The following NRXN1 variants were observed in gnomAD, a reference collection of about 807,000 sequenced individuals.
NRXN1 encodes the protein neurexin 1, also known as neurexin-1.
NRXN1 carries 39 observed loss-of-function variants against 150.9 expected under a neutral mutation model. The ratio of observed to expected loss-of-function variants is 0.26; its 90% confidence interval spans 0.20 to 0.34. The LOEUF is 0.34. Among genes scored for constraint, NRXN1 ranks in the 10% least tolerant of loss-of-function variants. The pLI, the probability that NRXN1 is intolerant of heterozygous loss-of-function variation, is 1.00. For missense variants in NRXN1, 1,815 were observed against 1,949.9 expected (o/e 0.93, Z 1.30); for synonymous variants, 924 against 757.0 (o/e 1.22, Z -3.62).
At chr2:50,378,690 T>C (rs1377599129) in intron 17 of NRXN1, among the ~76,000 whole-genome samples, 1 of 152,138 alleles carries the variant, frequency 6.6e-6, no homozygotes, top group African/African-American at 2.4e-5. Context: ...GGGAGAAATA[T>C]ACAGCAATAA....
At chr2:50,300,610 T>C (rs939427) in intron 17 of NRXN1, among the ~76,000 whole-genome samples, 87,436 of 151,726 alleles carry the variant, frequency 0.58, 25,407 homozygotes, top group African/African-American at 0.6. Context: ...CTCTGGCCAA[T>C]AGGATGTGAG....
chr2:50,137,872 T>C (rs1184617744), intron 18 of NRXN1, among the ~76,000 whole-genome samples: 1 of 152,220 alleles, frequency 6.6e-6, no homozygotes, highest in Non-Finnish European at 1.5e-5. Flanking sequence ...CAAACTATGG[T>C]TGTTTCAAGA....
intron 5 of NRXN1, chr2:50,919,081 A>C (rs147170047): frequency 6.6e-6 from 1 of 151,918 alleles, no homozygotes; most frequent in African/African-American, 2.4e-5. Flanking sequence ...TAAAAATAGG[A>C]GGCACTATGG....
chr2:50,530,694 A>G (rs2093076815), intron 11 of NRXN1, among the ~76,000 whole-genome samples: 1 of 152,204 alleles, frequency 6.6e-6, no homozygotes, highest in African/African-American at 2.4e-5. Flanking sequence ...GCTGTTTGAT[A>G]GCAAAATACC....
At chr2:50,665,282 C>T (rs1226859393) in intron 5 of NRXN1, among the ~76,000 whole-genome samples, 14 of 151,892 alleles carry the variant, frequency 9.2e-5, no homozygotes, top group Non-Finnish European at 1.5e-5. Context: ...CCTCTCATAC[C>T]TTAAAATACT....
At chr2:50,563,423 G>GT (rs1669405487) in intron 8 of NRXN1, among the ~76,000 whole-genome samples, 1 of 152,248 alleles carries the variant, frequency 6.6e-6, no homozygotes, top group South Asian at 2.1e-4. Context: ...GAATGTAGTT[G>GT]TAAGTGCGCT....
chr2:50,350,260 C>T (rs763471113), intron 17 of NRXN1, among the ~76,000 whole-genome samples: 3 of 152,134 alleles, frequency 2.0e-5, no homozygotes, highest in African/African-American at 4.8e-5. Context: ...CTAAAAGAAA[C>T]ATATCTAATA....
intron 21 of NRXN1, among the ~76,000 whole-genome samples, chr2:50,007,396 G>T (rs1349665832): frequency 6.6e-6 from 1 of 151,872 alleles, no homozygotes; most frequent in Non-Finnish European, 1.5e-5. Flanking sequence ...ACCACCCCTC[G>T]ACAGGCCCTG....
At chr2:50,992,360 A>G (rs997874152) in intron 2 of NRXN1, among the ~76,000 whole-genome samples, 14 of 151,974 alleles carry the variant, frequency 9.2e-5, no homozygotes, top group African/African-American at 3.4e-4. Flanking sequence ...AAAATATTTG[A>G]ATGTAAATAT....
At chr2:50,805,677 T>C (rs1667418608) in intron 5 of NRXN1, among the ~76,000 whole-genome samples, 1 of 152,156 alleles carries the variant, frequency 6.6e-6, no homozygotes, top group Non-Finnish European at 1.5e-5. Context: ...ATATTTTCCA[T>C]TGATTACCCA....
intron 2 of NRXN1, among the ~76,000 whole-genome samples, chr2:50,994,315 C>T (rs768809496): frequency 6.6e-6 from 1 of 151,946 alleles, no homozygotes; most frequent in Non-Finnish European, 1.5e-5. Context: ...TCCATTATAT[C>T]TCACCTTGCA....
intron 17 of NRXN1, among the ~76,000 whole-genome samples, chr2:50,340,713 T>TAA (rs1376355512): frequency 1.7e-4 from 26 of 151,608 alleles, no homozygotes; most frequent in African/African-American, 6.0e-4. Flanking sequence ...TAGTCCAATT[T>TAA]AAAAAAAAGA....
chr2:50,472,699 A>T (rs1046934208), intron 15 of NRXN1, among the ~76,000 whole-genome samples: 1 of 151,812 alleles, frequency 6.6e-6, no homozygotes, highest in African/African-American at 2.4e-5. Context: ...AAGTAATTCC[A>T]TATTATGTGG....
At chr2:50,516,635 C>T (rs1231504634) in intron 12 of NRXN1, among the ~76,000 whole-genome samples, 1 of 152,138 alleles carries the variant, frequency 6.6e-6, no homozygotes, top group Non-Finnish European at 1.5e-5. Context: ...AGCAAAACTA[C>T]CTGCTGACCC....
intron 18 of NRXN1, among the ~76,000 whole-genome samples, chr2:50,178,591 C>G (rs2060497438): frequency 6.6e-6 from 1 of 151,906 alleles, no homozygotes; most frequent in Non-Finnish European, 1.5e-5. Flanking sequence ...TAGAAGTTTA[C>G]AGAGGAATTT....
At chr2:49,928,960 C>T (rs1430791090) in intron 22 of NRXN1, among the ~76,000 whole-genome samples, 2 of 152,102 alleles carry the variant, frequency 1.3e-5, no homozygotes, top group African/African-American at 2.4e-5. Flanking sequence ...CCCAATACAT[C>T]GGAGATTTAG....
At position 49,954,191 on chromosome 2, in the gene NRXN1, T is replaced by C. The variant is rs77987383; in HGVS notation, c.4129-10400A>G. Among the ~76,000 whole-genome samples, 332 of 151,822 alleles carry C rather than the reference T, an allele frequency of 2.2e-3. 1 individual carries two copies. Among genetic ancestry groups the C allele is most frequent in the African/African-American group, 7.7e-3 (317 of 41,154 alleles). On this transcript the variant is annotated intron_variant, in intron 21 of 22. Coordinates refer to ENST00000401669, the MANE Select transcript of NRXN1 (RefSeq NM_001330078.2). Reference sequence around the variant, plus strand: ...CTCAGTTGAATAGGATCTGTATCTCTCACTTACACTAGCCCCTCACACAGA... The same window carrying C: ...CTCAGTTGAATAGGATCTGTATCTCCCACTTACACTAGCCCCTCACACAGA...
Position 49,918,738 on chromosome 2 carries a change from AAG to A in NRXN1, c.*3204_*3205del, listed in dbSNP as rs1667721815. 1.3e-5 allele frequency: 2 copies of A among 152,126 alleles called. No individual in the cohort carries two copies. Among genetic ancestry groups the A allele is most frequent in the South Asian group, 4.1e-4 (2 of 4,832 alleles). 9.4% of individuals were successfully genotyped at this position (152,126 alleles called of 1,614,324 possible). On this transcript the variant is annotated 3_prime_UTR_variant, in exon 23 of 23. Transcript: ENST00000401669. ...TTAATGACTAGTTAAATCCAGAAAA[AAG>A]AGAGTCAACATTCTTCCTCTATAAT...
At chr2:50,612,961 C>G (rs937930466) in intron 8 of NRXN1, among the ~76,000 whole-genome samples, 10 of 152,156 alleles carry the variant, frequency 6.6e-5, no homozygotes, top group Non-Finnish European at 1.2e-4. Flanking sequence ...GACACTATTA[C>G]AGTAGAAGGA....
Sources: gnomAD v4.1 joint callset for allele counts (sites outside exome capture counted in the v4.1 genomes callset) on GRCh38, gnomAD v4.1.1 for gene constraint, MANE v1.5 for transcripts, NCBI Gene and HGNC (gene_info 2026-07-23, HGNC 2026-07-21) for gene names.